FRS2: variants seen among roughly 807,000 people sequenced by gnomAD.
FRS2 encodes fibroblast growth factor receptor substrate 2.
Under a neutral mutation model 43.9 loss-of-function variants are expected in FRS2, and 8 were observed. That is an observed-to-expected ratio of 0.18 (90% CI 0.11 to 0.33). FRS2 has a LOEUF of 0.33. Ranked by LOEUF, FRS2 falls within the 10% of genes least tolerant of loss-of-function variation. FRS2 has a pLI of 1.00. For synonymous variants in FRS2, 219 were observed against 220.3 expected (o/e 0.99, Z 0.05); for missense variants, 534 against 627.6 (o/e 0.85, Z 1.59).
intron 4 of FRS2, among the ~76,000 whole-genome samples, chr12:69,566,494 T>C (rs540889499): frequency 6.6e-6 from 1 of 152,238 alleles, no homozygotes; most frequent in South Asian, 2.1e-4. Flanking sequence ...GTTTATAGAA[T>C]ATGTGCCATG....
At chr12:69,550,421 CA>C (rs1244422519) in intron 3 of FRS2, among the ~76,000 whole-genome samples, 1 of 151,844 alleles carries the variant, frequency 6.6e-6, no homozygotes, top group Non-Finnish European at 1.5e-5. Context: ...ATTTTTAACT[CA>C]ACCTGTGAGG....
intron 3 of FRS2, among the ~76,000 whole-genome samples, chr12:69,538,191 C>T (rs1218573797): frequency 2.9e-5 from 2 of 67,896 alleles, no homozygotes; most frequent in African/African-American, 9.9e-5. Flanking sequence ...ATTAAAAAAA[C>T]AAATTTTATA....
At chr12:69,497,311 A>G (rs1872995055) in intron 1 of FRS2, among the ~76,000 whole-genome samples, 1 of 152,234 alleles carries the variant, frequency 6.6e-6, no homozygotes, top group Non-Finnish European at 1.5e-5. Flanking sequence ...TAATATAACA[A>G]AATACCTTAG....
At chr12:69,485,603 C>T (rs1871861017) in intron 1 of FRS2, among the ~76,000 whole-genome samples, 1 of 152,140 alleles carries the variant, frequency 6.6e-6, no homozygotes, top group African/African-American at 2.4e-5. Context: ...CTGCCTCAGC[C>T]TCCTGAGTAG....
Position 69,574,310 on chromosome 12 carries a change from A to G in FRS2, c.882A>G (p.Glu294=). The G allele has an allele frequency of 1.2e-6, 2 of 1,614,208 alleles. No individual in the cohort carries two copies. Among genetic ancestry groups the G allele is most frequent in the Non-Finnish European group, 1.7e-6 (2 of 1,179,990 alleles). Residue 294 remains glutamate (E), a synonymous_variant, in exon 9 of 9, where the codon GAA becomes GAG. Transcript: ENST00000549921. ...GGGACACTGGCTATGACAGTGATGA[A>G]CGAAGAGATGCACCCTCTGTTAACA... is the stretch of plus-strand genomic sequence containing the variant. ...TEWDTGYDSD[E]RRDAPSVNKL...
chr12:69,525,631 C>T (rs568723030), intron 1 of FRS2, among the ~76,000 whole-genome samples: 10 of 152,070 alleles, frequency 6.6e-5, no homozygotes, highest in South Asian at 2.1e-4. Context: ...ATCTTGAGAA[C>T]GCGTGTCCTC....
At chr12:69,486,265 T>C (rs1433150406) in intron 1 of FRS2, 1 of 152,100 alleles carries the variant, frequency 6.6e-6, no homozygotes, top group Non-Finnish European at 1.5e-5. Flanking sequence ...CCAGCCAGCG[T>C]GTGCTTACTT....
intron 3 of FRS2, among the ~76,000 whole-genome samples, chr12:69,545,780 A>G (rs916412048): frequency 1.8e-5 from 2 of 109,498 alleles, no homozygotes; most frequent in African/African-American, 2.9e-5. Flanking sequence ...AAAAAAAAAC[A>G]AAAACAAAAA....
At chr12:69,492,346 A>G (rs1872556638) in intron 1 of FRS2, among the ~76,000 whole-genome samples, 1 of 152,206 alleles carries the variant, frequency 6.6e-6, no homozygotes, top group African/African-American at 2.4e-5. Context: ...AAATGGGAAA[A>G]TATGTTACTA....
intron 3 of FRS2, among the ~76,000 whole-genome samples, chr12:69,536,553 C>CGGTA (rs905635534): frequency 1.4e-4 from 21 of 148,846 alleles, no homozygotes; most frequent in African/African-American, 4.7e-4. Context: ...ATTGTGTTAC[C>CGGTA]GATAGATTTA....
chr12:69,523,307 T>G (rs1225134450), intron 1 of FRS2, among the ~76,000 whole-genome samples: 1 of 152,242 alleles, frequency 6.6e-6, no homozygotes. Context: ...GGTCTTCTTG[T>G]TGAATTGAAC....
chr12:69,507,752 C>G (rs1034166394), intron 1 of FRS2, among the ~76,000 whole-genome samples: 1 of 152,058 alleles, frequency 6.6e-6, no homozygotes, highest in Non-Finnish European at 1.5e-5. Flanking sequence ...CAGCCGGGCC[C>G]GGTGGCTCAC....
At position 69,556,204 on chromosome 12, in the gene FRS2, A is replaced by G. The variant is rs184486139; in HGVS notation, c.-121-5976A>G. Among the ~76,000 whole-genome samples, 679 of 152,218 alleles carry G rather than the reference A, an allele frequency of 4.5e-3. 4 individuals carry two copies. The highest frequency in any genetic ancestry group is 0.04 in the South Asian group (194 of 4,816). Reference sequence around the variant, plus strand: ...GCGTAAGCCAGCACACCTGGCCCATATTTAGACTTTTAATATTAGTCTAGT... The same window carrying G: ...GCGTAAGCCAGCACACCTGGCCCATGTTTAGACTTTTAATATTAGTCTAGT... On this transcript the variant is annotated intron_variant, in intron 3 of 8. Transcript: ENST00000549921.
intron 1 of FRS2, among the ~76,000 whole-genome samples, chr12:69,525,917 G>A (rs1876175343): frequency 6.6e-6 from 1 of 152,070 alleles, no homozygotes; most frequent in Non-Finnish European, 1.5e-5. Flanking sequence ...GTGCAGTGGT[G>A]TAATCTTGAC....
chr12:69,491,492 G>A (rs1000247824), intron 1 of FRS2: 10 of 147,584 alleles, frequency 6.8e-5, no homozygotes, highest in Non-Finnish European at 1.3e-4. Flanking sequence ...CCTATCTTTG[G>A]TGCGTTTCTT....
At chr12:69,512,030 A>G (rs572740203) in intron 1 of FRS2, among the ~76,000 whole-genome samples, 2 of 152,304 alleles carry the variant, frequency 1.3e-5, no homozygotes, top group South Asian at 2.1e-4. Context: ...AGCCTTTGCC[A>G]GACTCCACAG....
At position 69,508,024 on chromosome 12, in the gene FRS2, CAAAAAAAAAAAA is replaced by C. The variant is rs11365179; in HGVS notation, c.-260-22822_-260-22811del. Among the ~76,000 whole-genome samples, 259 of 47,626 alleles carry C rather than the reference CAAAAAAAAAAAA, an allele frequency of 5.4e-3. 2 individuals are homozygous for C. The highest frequency in any genetic ancestry group is 8.0e-3 in the Admixed American group (23 of 2,880). 31.2% of individuals were successfully genotyped at this position (47,626 alleles called of 152,430 possible). ...GGGCAACAAGAGCGAAACCCCGTCT[CAAAAAAAAAAAA>C]AAAAAAAAAAAAAAAAAAGTTGCTG... is the stretch of plus-strand genomic sequence containing the variant. On this transcript the variant is annotated intron_variant, in intron 1 of 8. Coordinates refer to ENST00000549921, the MANE Select transcript of FRS2 (RefSeq NM_001278356.2).
intron 1 of FRS2, among the ~76,000 whole-genome samples, chr12:69,476,877 T>C (rs1870839479): frequency 1.3e-5 from 2 of 152,196 alleles, no homozygotes; most frequent in South Asian, 4.1e-4. Context: ...TTGGGAATGC[T>C]ATAGAAATAT....
intron 1 of FRS2, among the ~76,000 whole-genome samples, chr12:69,518,541 T>C (rs1286262294): frequency 6.6e-6 from 1 of 151,692 alleles, no homozygotes; most frequent in African/African-American, 2.4e-5. Flanking sequence ...ACCCTGTCTC[T>C]GTGAAAACAT....
Sources: gnomAD v4.1 joint callset for allele counts (sites outside exome capture counted in the v4.1 genomes callset) on GRCh38, gnomAD v4.1.1 for gene constraint, MANE v1.5 for transcripts, NCBI Gene and HGNC (gene_info 2026-07-23, HGNC 2026-07-21) for gene names.